Variants in KCNK13 observed in about 807,000 individuals in gnomAD.
KCNK13 encodes the protein potassium two pore domain channel subfamily K member 13.
Under a neutral mutation model 23.4 loss-of-function variants are expected in KCNK13, and 12 were observed. The ratio of observed to expected loss-of-function variants is 0.51; its 90% CI spans 0.33 to 0.83. KCNK13 has a LOEUF of 0.83. Ranked by LOEUF, KCNK13 falls within the 40% of genes least tolerant of loss-of-function variation. KCNK13 has a pLI of 0.02. For synonymous variants in KCNK13, 231 were observed against 229.5 expected (o/e 1.01, Z -0.06); for missense variants, 463 against 556.3 (o/e 0.83, Z 1.69).
Position 90,184,420 on chromosome 14 carries a change from T to C in KCNK13, c.644T>C (p.Met215Thr). ...SILISCCASAMYTPIEGWSYF... is the reference protein window; with the variant it reads ...SILISCCASATYTPIEGWSYF... Reference sequence around the variant, plus strand: ...CTCATCTCTTGCTGCGCCTCAGCCATGTACACCCCCATTGAAGGCTGGAGC... The same window carrying C: ...CTCATCTCTTGCTGCGCCTCAGCCACGTACACCCCCATTGAAGGCTGGAGC... The change falls in exon 2 of 2, where the codon ATG becomes ACG. Residue 215 changes from methionine to threonine, a missense_variant. This residue lies in a region of KCNK13 where 144 missense variants were observed against 224.0 expected (regional missense o/e 0.64). Coordinates refer to ENST00000282146, the MANE Select transcript of KCNK13 (RefSeq NM_022054.4). This position sits in a 1 kb window ranked among gnomAD's most constrained non-coding sequence, Gnocchi z 5.6. The C allele has an allele frequency of 6.2e-7, 1 of 1,614,242 alleles. No individual in the cohort carries two copies.
At chr14:90,143,967 C>T (rs1890043835) in intron 1 of KCNK13, among the ~76,000 whole-genome samples, 1 of 152,216 alleles carries the variant, frequency 6.6e-6, no homozygotes, top group Non-Finnish European at 1.5e-5. Flanking sequence ...CTATGTAGGA[C>T]TTGGACGGAG....
At chr14:90,112,628 C>A (rs1889629213) in intron 1 of KCNK13, among the ~76,000 whole-genome samples, 1 of 152,038 alleles carries the variant, frequency 6.6e-6, no homozygotes, top group African/African-American at 2.4e-5. Flanking sequence ...AACAACTGAA[C>A]TGCAAAAAAT....
chr14:90,082,837 A>G (rs539286237), intron 1 of KCNK13, among the ~76,000 whole-genome samples: 1 of 152,334 alleles, frequency 6.6e-6, no homozygotes, highest in Non-Finnish European at 1.5e-5. Context: ...TAGGTCATGT[A>G]GTAACCCTAT....
intron 1 of KCNK13, among the ~76,000 whole-genome samples, chr14:90,143,171 C>CTTTCTTCCTTTCTTTCT (rs1890031329): frequency 2.4e-5 from 3 of 123,788 alleles, no homozygotes; most frequent in Admixed American, 8.6e-5. Context: ...TTCTTTCTTT[C>CTTTCTTCCTTTCTTTCT]TTTCTTTTCT....
chr14:90,062,048 C>A lies in KCNK13; in HGVS notation c.-158C>A. On this transcript the variant is annotated 5_prime_UTR_variant, in exon 1 of 2. Coordinates refer to ENST00000282146, the MANE Select transcript of KCNK13 (RefSeq NM_022054.4). This position sits in a 1 kb window ranked among gnomAD's most constrained non-coding sequence, Gnocchi z 4.5. ...CTACCGAGGCGGCGGCCGGGGGAGC[C>A]TCGCGGCCTGCGGGAGAGCCCGGCG... is the stretch of plus-strand genomic sequence containing the variant. 1 of 438,782 alleles carries A rather than the reference C, an allele frequency of 2.3e-6. No homozygotes were observed. The highest frequency in any genetic ancestry group is 3.8e-6 in the Non-Finnish European group (1 of 262,760). 27.2% of individuals were successfully genotyped at this position (438,782 alleles called of 1,614,324 possible).
intron 1 of KCNK13, among the ~76,000 whole-genome samples, chr14:90,112,657 CAAATG>C (rs1889629680): frequency 6.6e-6 from 1 of 151,888 alleles, no homozygotes; most frequent in South Asian, 2.1e-4. Flanking sequence ...ATAGAAAACT[CAAATG>C]AAGTAAAAGC....
At chr14:90,112,831 C>G (rs1216650726) in intron 1 of KCNK13, among the ~76,000 whole-genome samples, 1 of 148,724 alleles carries the variant, frequency 6.7e-6, no homozygotes, top group African/African-American at 2.5e-5. Context: ...CCATGAGGGA[C>G]AGCATTCATA....
chr14:90,074,994 TAATTTTTTTTAAATTA>T, intron 1 of KCNK13, among the ~76,000 whole-genome samples: 1 of 152,154 alleles, frequency 6.6e-6, no homozygotes, highest in East Asian at 1.9e-4. Context: ...TAATCTTTAG[TAATTTTTTTTAAATTA>T]ACCACTTAAC....
chr14:90,180,708 G>C (rs367556842), intron 1 of KCNK13, among the ~76,000 whole-genome samples: 11 of 152,278 alleles, frequency 7.2e-5, no homozygotes, highest in African/African-American at 2.6e-4. Flanking sequence ...CTCATTCACT[G>C]GAAAAATCAG....
At chr14:90,088,333 A>G (rs1889305042) in intron 1 of KCNK13, among the ~76,000 whole-genome samples, 1 of 125,622 alleles carries the variant, frequency 8.0e-6, no homozygotes, top group African/African-American at 3.1e-5. Context: ...AAGCTTAAAA[A>G]GAAAGAAAGA....
At chr14:90,085,868 T>C (rs1427422266) in intron 1 of KCNK13, among the ~76,000 whole-genome samples, 2 of 143,584 alleles carry the variant, frequency 1.4e-5, no homozygotes, top group Non-Finnish European at 3.0e-5. Flanking sequence ...AATATATAAA[T>C]TTATATCTAT....
Position 90,062,311 on chromosome 14 carries a change from G to T in KCNK13, c.106G>T (p.Ala36Ser). 6.4e-7 allele frequency: 1 copy of T among 1,555,760 alleles called. No homozygotes were observed. ...LIVLYLLGGA[A>S]VFSALELAHE... ...CGTGCTCTACCTGCTGGGCGGCGCC[G>T]CCGTCTTCTCCGCGCTGGAGCTGGC... is the stretch of plus-strand genomic sequence containing the variant. Residue 36 changes from alanine (A) to serine (S), a missense_variant, in exon 1 of 2, where the codon GCC becomes TCC. Coordinates refer to ENST00000282146, the MANE Select transcript of KCNK13 (RefSeq NM_022054.4). The surrounding 1 kb of genome is among the most constrained non-coding windows in gnomAD (Gnocchi z 4.5).
At chr14:90,166,044 A>G (rs1400161326) in intron 1 of KCNK13, among the ~76,000 whole-genome samples, 1 of 152,238 alleles carries the variant, frequency 6.6e-6, no homozygotes, top group Non-Finnish European at 1.5e-5. Flanking sequence ...CCTCGTTTTC[A>G]GCTTATACAG....
chr14:90,185,082 G>A lies in KCNK13; in HGVS notation c.*79G>A. ...GCCCAGGGGACGAGCTCAGCCCTGC[G>A]CCTTGGCTCTGTTCCTTCTGGGAGC... is the stretch of plus-strand genomic sequence containing the variant. On this transcript the variant is annotated 3_prime_UTR_variant, in exon 2 of 2. Transcript: ENST00000282146. 4 of 1,291,602 alleles carry A rather than the reference G, an allele frequency of 3.1e-6. No homozygotes were observed. Among genetic ancestry groups the A allele is most frequent in the Admixed American group, 2.8e-5 (1 of 35,804 alleles). 80.0% of individuals were successfully genotyped at this position (1,291,602 alleles called of 1,614,324 possible).
chr14:90,107,935 C>A, intron 1 of KCNK13: 1 of 744,792 alleles, frequency 1.3e-6, no homozygotes, highest in South Asian at 1.3e-5. Context: ...GTGATCTAGT[C>A]ACTATGCAAT....
intron 1 of KCNK13, among the ~76,000 whole-genome samples, chr14:90,168,425 C>T (rs1467205956): frequency 6.6e-6 from 1 of 151,920 alleles, no homozygotes; most frequent in Non-Finnish European, 1.5e-5. Context: ...ATATTGTTAT[C>T]CTTTGCTGGG....
intron 1 of KCNK13, among the ~76,000 whole-genome samples, chr14:90,144,782 C>T (rs1890054629): frequency 6.6e-6 from 1 of 152,020 alleles, no homozygotes; most frequent in Non-Finnish European, 1.5e-5. Context: ...CTTTACAATG[C>T]TTTTTATCTC....
At chr14:90,170,109 G>A (rs530252825) in intron 1 of KCNK13, among the ~76,000 whole-genome samples, 5 of 151,942 alleles carry the variant, frequency 3.3e-5, no homozygotes, top group Non-Finnish European at 7.4e-5. Flanking sequence ...GAAATTCCAG[G>A]TACCTAGGTA....
intron 1 of KCNK13, among the ~76,000 whole-genome samples, chr14:90,095,501 A>T (rs1411747909): frequency 6.6e-6 from 1 of 150,534 alleles, no homozygotes; most frequent in Non-Finnish European, 1.5e-5. Flanking sequence ...CAGCTATCTT[A>T]TTTTTTTTTC....
Sources: gnomAD v4.1 joint callset for allele counts (sites outside exome capture counted in the v4.1 genomes callset) on GRCh38, gnomAD v4.1.1 for gene constraint, gnomAD v4.1.1 regional missense constraint, Gnocchi (gnomAD v3.1) non-coding constraint, MANE v1.5 for transcripts, NCBI Gene and HGNC (gene_info 2026-07-23, HGNC 2026-07-21) for gene names.